Variants in SYBU observed in about 807,000 individuals in gnomAD.
The protein encoded by SYBU is GOLSYN A protein.
SYBU carries 21 observed loss-of-function variants against 35.9 expected under a neutral mutation model. That is an observed-to-expected ratio of 0.58 (90% CI 0.41 to 0.84). The LOEUF is 0.84. SYBU is among the 40% of genes least tolerant of loss of function. The probability of loss-of-function intolerance (pLI) is 0.00; values close to 1 mark genes in which losing one functional copy is unlikely to be tolerated. For synonymous variants in SYBU, 319 were observed against 324.3 expected (o/e 0.98, Z 0.18); for missense variants, 768 against 848.2 (o/e 0.91, Z 1.17).
At chr8:109,610,172 A>G (rs950593466) in intron 3 of SYBU, among the ~76,000 whole-genome samples, 8 of 152,070 alleles carry the variant, frequency 5.3e-5, no homozygotes, top group Admixed American at 6.6e-5. Flanking sequence ...TCCCCTGACT[A>G]TCCCCCATCA....
At chr8:109,658,965 A>AG (rs1671122922) in intron 1 of SYBU, among the ~76,000 whole-genome samples, 1 of 151,550 alleles carries the variant, frequency 6.6e-6, no homozygotes, top group East Asian at 2.0e-4. Flanking sequence ...AAAAAAAAAA[A>AG]GAAAGAAAGC....
upstream of SYBU, among the ~76,000 whole-genome samples, chr8:109,685,361 G>A (rs1817496656): frequency 6.6e-6 from 1 of 152,216 alleles, no homozygotes; most frequent in South Asian, 2.1e-4. Context: ...GTGGGTAGCT[G>A]TAAATCAACA....
rs923940788 is a variant in SYBU, at chr8:109,578,959, G to T, written c.734+840C>A. Among the ~76,000 whole-genome samples the T allele has an allele frequency of 1.3e-5, 2 of 152,172 alleles. 1 individual carries two copies. On this transcript the variant is annotated intron_variant, in intron 5 of 6. Transcript: ENST00000276646. ...CTCCCCAGTGTGTTTTGTAAGACAG[G>T]CTCAATGTTTTACAAAACAGCCCTT... is the stretch of plus-strand genomic sequence containing the variant.
rs192016585 is a variant in SYBU, at chr8:109,608,395, A to T, written c.427+10447T>A. 2.6e-4 allele frequency among the ~76,000 whole-genome samples: 39 copies of T among 152,326 alleles called. No individual in the cohort carries two copies. In the East Asian group the frequency reaches 5.4e-3, roughly 21 times the overall value. ...CACACAGCCCTAAATTTTATGGCAA[A>T]CACAAATTTTATGGCAAACACCAAG... On this transcript the variant is annotated intron_variant, in intron 3 of 6. Transcript: ENST00000276646.
At chr8:109,645,991 A>C (rs942804132), upstream of SYBU, 6 of 152,270 alleles carry the variant, frequency 3.9e-5, no homozygotes, top group African/African-American at 1.4e-4. Flanking sequence ...GATCCAGTCA[A>C]TATTTGTTGA....
intron 3 of SYBU, chr8:109,607,808 TCA>T (rs71305960): frequency 0.044 from 16,683 of 375,388 alleles, 100 homozygotes; most frequent in East Asian, 0.078. Context: ...CACAACTAAC[TCA>T]CACACACACA....
At chr8:109,653,697 A>G (rs895761228) in intron 1 of SYBU, among the ~76,000 whole-genome samples, 2 of 152,052 alleles carry the variant, frequency 1.3e-5, no homozygotes, top group African/African-American at 4.8e-5. Flanking sequence ...CAAATCTACC[A>G]GCCTACCACC....
chr8:109,648,112 T>G (rs1018835678), upstream of SYBU: 1 of 151,990 alleles, frequency 6.6e-6, no homozygotes, highest in Non-Finnish European at 1.5e-5. Flanking sequence ...CATTTTCATT[T>G]TTTACTTAAA....
At chr8:109,580,191 A>G in intron 4 of SYBU, 189 bp from the exon 5 acceptor site, 1 of 583,576 alleles carries the variant, frequency 1.7e-6, no homozygotes, top group Non-Finnish European at 3.1e-6. Flanking sequence ...TTGTGACATC[A>G]GCACAAGCAA....
chr8:109,587,178 C>A (rs1823713896), intron 3 of SYBU, among the ~76,000 whole-genome samples: 1 of 152,154 alleles, frequency 6.6e-6, no homozygotes, highest in African/African-American at 2.4e-5. Context: ...GTCTAGAACC[C>A]AGAGCCAGCT....
intron 1 of SYBU, among the ~76,000 whole-genome samples, chr8:109,664,907 G>A (rs1031084842): frequency 2.6e-5 from 4 of 152,028 alleles, no homozygotes; most frequent in African/African-American, 9.7e-5. Context: ...TGGGGAAATG[G>A]GGCTTTAACA....
At chr8:109,675,997 A>G in intron 1 of SYBU, among the ~76,000 whole-genome samples, 1 of 152,224 alleles carries the variant, frequency 6.6e-6, no homozygotes, top group African/African-American at 2.4e-5. Context: ...ATGCAAATCA[A>G]TAAACGTAAT....
At chr8:109,653,377 T>G (rs1345308851) in intron 1 of SYBU, among the ~76,000 whole-genome samples, 1 of 152,104 alleles carries the variant, frequency 6.6e-6, no homozygotes, top group Non-Finnish European at 1.5e-5. Flanking sequence ...TGGATCTATA[T>G]CTCCCATCTT....
At chr8:109,623,015 A>G (rs533997573) in intron 2 of SYBU, among the ~76,000 whole-genome samples, 239 of 145,232 alleles carry the variant, frequency 1.6e-3, no homozygotes, top group African/African-American at 6.0e-3. Flanking sequence ...TTTACATCAC[A>G]GGAGCGTGCG....
intron 1 of SYBU, among the ~76,000 whole-genome samples, chr8:109,688,037 C>A (rs1343636499): frequency 6.6e-6 from 1 of 152,126 alleles, no homozygotes; most frequent in African/African-American, 2.4e-5. Context: ...GGTCCTGGAG[C>A]ACCTCCCAAG....
At chr8:109,607,808 T>TCTCTCACA in intron 3 of SYBU, 1 of 375,454 alleles carries the variant, frequency 2.7e-6, no homozygotes. Flanking sequence ...CACAACTAAC[T>TCTCTCACA]CACACACACA....
At chr8:109,632,750 T>C (rs183016351) in intron 2 of SYBU, among the ~76,000 whole-genome samples, 3 of 152,348 alleles carry the variant, frequency 2.0e-5, no homozygotes, top group Admixed American at 2.0e-4. Flanking sequence ...TTTAGTCTCA[T>C]AGACAAAATG....
chr8:109,591,104 G>T (rs766422149), intron 3 of SYBU, among the ~76,000 whole-genome samples: 7 of 152,214 alleles, frequency 4.6e-5, no homozygotes, highest in Non-Finnish European at 7.3e-5. Flanking sequence ...AAATCAGGTG[G>T]TATAGCAGCA....
At chr8:109,645,040 G>T (rs887666013), upstream of SYBU, 5 of 501,804 alleles carry the variant, frequency 1.0e-5, no homozygotes, top group Admixed American at 1.2e-4. Context: ...GCTCGGCCCG[G>T]TGTAGGCAGG....
Sources: gnomAD v4.1 joint callset for allele counts (sites outside exome capture counted in the v4.1 genomes callset) on GRCh38, gnomAD v4.1.1 for gene constraint, MANE v1.5 for transcripts, NCBI Gene and HGNC (gene_info 2026-07-23, HGNC 2026-07-21) for gene names.